Variants in HK2 observed in about 807,000 individuals in gnomAD.
The protein encoded by HK2 is hexokinase-2.
A neutral mutation model predicts 92.9 loss-of-function variants in HK2; 42 were observed. The observed-to-expected ratio is 0.45, with a 90% confidence interval of 0.35 to 0.58. The LOEUF is 0.58. HK2 is among the 20% of genes least tolerant of loss of function. The pLI, the probability that HK2 is intolerant of heterozygous loss-of-function variation, is 0.00. For synonymous variants in HK2, 422 were observed against 468.0 expected, an observed-to-expected ratio of 0.90 and a Z score of 1.27; for missense variants, 978 against 1,245.1, an observed-to-expected ratio of 0.79 and a Z score of 3.23.
At position 74,854,281 on chromosome 2, in the gene HK2, C is replaced by A; in HGVS notation, c.64-12C>A. 1 of 1,611,982 alleles carries A rather than the reference C, an allele frequency of 6.2e-7. No homozygotes were observed. Among genetic ancestry groups the A allele is most frequent in the Non-Finnish European group, 8.5e-7 (1 of 1,179,806 alleles). Reference sequence around the variant, plus strand: ...ACCAGTGGTTTCTGCTCTTGTCTTCCTCCTTTTTCAGGTTGACCAGTATCT... The same window carrying A: ...ACCAGTGGTTTCTGCTCTTGTCTTCATCCTTTTTCAGGTTGACCAGTATCT... On this transcript the variant is annotated splice_polypyrimidine_tract_variant and intron_variant, in intron 1 of 17. Coordinates refer to ENST00000290573, the MANE Select transcript of HK2 (RefSeq NM_000189.5).
chr2:74,835,377 C>T lies in HK2; in HGVS notation c.63+734C>T, dbSNP rs78032834. The T allele has an allele frequency of 4.3e-3, 658 of 152,736 alleles. 4 individuals are homozygous for T. The highest frequency in any genetic ancestry group is 6.1e-3 in the Non-Finnish European group (420 of 68,308). 9.5% of individuals were successfully genotyped at this position (152,736 alleles called of 1,614,324 possible). A position where few individuals can be genotyped will look rare whatever the true frequency, so the allele number is the denominator to read the frequency against. On this transcript the variant is annotated intron_variant, in intron 1 of 17. Transcript: ENST00000290573. ...TTTGGTTGTTACTTTCTGGTTTGCC[C>T]TAAAAGTTACTCGGAGAGGCCAACG...
intron 2 of HK2, among the ~76,000 whole-genome samples, chr2:74,866,362 A>G (rs1558796778): frequency 2.0e-5 from 3 of 152,176 alleles, no homozygotes; most frequent in African/African-American, 7.2e-5. Context: ...TGAACCCCCC[A>G]GGAAATTGCC....
intron 2 of HK2, among the ~76,000 whole-genome samples, chr2:74,855,987 G>A (rs74803187): frequency 0.014 from 2,102 of 152,258 alleles, 41 homozygotes; most frequent in African/African-American, 0.047. Context: ...GACGGGTGGT[G>A]GGTGGGGGGT....
At chr2:74,848,137 C>T (rs1003011242) in intron 1 of HK2, among the ~76,000 whole-genome samples, 3 of 152,166 alleles carry the variant, frequency 2.0e-5, no homozygotes, top group African/African-American at 7.2e-5. Flanking sequence ...GGTGGCTGAG[C>T]TCCAAAAGTA....
At position 74,890,804 on chromosome 2, in the gene HK2, A is replaced by T; in HGVS notation, c.2617A>T (p.Lys873Ter). The T allele has an allele frequency of 1.9e-6, 3 of 1,614,174 alleles. No individual in the cohort carries two copies. Among genetic ancestry groups the T allele is most frequent in the Non-Finnish European group, 2.5e-6 (3 of 1,180,022 alleles). Residue 873 changes from lysine to a stop codon, truncating the protein, a stop_gained, in exon 18 of 18, where the codon AAA becomes TAA. Transcript: ENST00000290573. LOFTEE classifies it high-confidence loss of function. ...TCCTCCCACCTTTTCCAGCTTTGCCAAAGTCATGCATGAGACAGTGAAGGA... is the reference window on the plus strand; with the variant it reads ...TCCTCCCACCTTTTCCAGCTTTGCCTAAGTCATGCATGAGACAGTGAAGGA... ...TLYKLHPHFA[K>*]VMHETVKDLA...
At chr2:74,885,445 C>G (rs762251217) in intron 12 of HK2, 49 bp from the exon 13 acceptor site, 1 of 1,357,158 alleles carries the variant, frequency 7.4e-7, no homozygotes, top group Admixed American at 1.7e-5. Flanking sequence ...CAGAACTGAC[C>G]TGGGAGCTCT....
chr2:74,857,817 C>T (rs1688728766), intron 2 of HK2, among the ~76,000 whole-genome samples: 1 of 152,116 alleles, frequency 6.6e-6, no homozygotes, highest in African/African-American at 2.4e-5. Context: ...TGTCAGCACC[C>T]CAGTGAAGTG....
chr2:74,877,695 A>G (rs28363021), intron 8 of HK2, among the ~76,000 whole-genome samples: 2,296 of 152,298 alleles, frequency 0.015, 20 homozygotes, highest in Middle Eastern at 0.034. Context: ...GCAATTCTCA[A>G]AAAGGACTCT....
chr2:74,859,671 C>T (rs1688774622), intron 2 of HK2, among the ~76,000 whole-genome samples: 1 of 152,160 alleles, frequency 6.6e-6, no homozygotes, highest in African/African-American at 2.4e-5. Flanking sequence ...TTGACAAATA[C>T]ACCTGTTTAA....
rs2103808719 is a variant in HK2, at chr2:74,834,656, G to T, written c.63+13G>T. The T allele has an allele frequency of 6.2e-7, 1 of 1,613,860 alleles. No individual in the cohort carries two copies. The highest frequency in any genetic ancestry group is 1.1e-5 in the South Asian group (1 of 91,074). On this transcript the variant is annotated intron_variant, in intron 1 of 17. Coordinates refer to ENST00000290573, the MANE Select transcript of HK2 (RefSeq NM_000189.5). This position sits in a 1 kb window ranked among gnomAD's most constrained non-coding sequence, Gnocchi z 4.2. The stretch of plus-strand genomic sequence containing the variant: ...CCAAGTGCAGAAGGTAAGTCAGCGC[G>T]GGCGGGGCGGCAGGCTGGGCTCTGG...
At chr2:74,890,021 C>T (rs192422402) in intron 17 of HK2, among the ~76,000 whole-genome samples, 2 of 152,336 alleles carry the variant, frequency 1.3e-5, no homozygotes, top group African/African-American at 4.8e-5. Context: ...AACAGTGCTA[C>T]TGTGAACATT....
intron 11 of HK2, 27 bp downstream of exon 11, chr2:74,881,886 G>T: frequency 6.2e-7 from 1 of 1,612,468 alleles, no homozygotes; most frequent in Non-Finnish European, 8.5e-7. Flanking sequence ...CTTCAGGAGG[G>T]GGCCCCTGGT....
chr2:74,851,932 A>G (rs1017572419), intron 1 of HK2, among the ~76,000 whole-genome samples: 5 of 152,246 alleles, frequency 3.3e-5, no homozygotes, highest in Non-Finnish European at 7.3e-5. Context: ...TGACCTGTAT[A>G]GACCCTGCTG....
Position 74,880,294 on chromosome 2 carries a change from G to A in HK2, c.1295G>A (p.Arg432Gln), listed in dbSNP as rs773701506. Residue 432 changes from arginine to glutamine, a missense_variant, in exon 10 of 18, where the codon CGG becomes CAG. This residue lies in a region of HK2 where 742 missense variants were observed against 922.5 expected (regional missense o/e 0.80). Coordinates refer to ENST00000290573, the MANE Select transcript of HK2 (RefSeq NM_000189.5). ...GCCAAGCGTCTACATAAGACCGTGC[G>A]GCGGCTGGTGCCCGGCTGCGATGTC... is the stretch of plus-strand genomic sequence containing the variant. The part of the protein sequence containing the change: ...HFAKRLHKTV[R>Q]RLVPGCDVRF... 9.3e-6 allele frequency: 15 copies of A among 1,614,146 alleles called. No individual in the cohort carries two copies. Among genetic ancestry groups the A allele is most frequent in the Non-Finnish European group, 1.0e-5 (12 of 1,180,040 alleles).
chr2:74,889,223 T>A (rs1689611229), intron 16 of HK2, 22 bp from the exon 17 acceptor site: 1 of 1,592,670 alleles, frequency 6.3e-7, no homozygotes, highest in Non-Finnish European at 8.6e-7. Flanking sequence ...ACTGAACACT[T>A]GCTGTCTCCC....
In HK2 at chr2:74,878,518, C is replaced by T. The variant is rs566170791; in HGVS notation, c.1032-170C>T. Among the ~76,000 whole-genome samples the T allele has an allele frequency of 1.1e-4, 17 of 152,146 alleles. 1 individual carries two copies. Among genetic ancestry groups the T allele is most frequent in the Admixed American group, 6.5e-4 (10 of 15,294 alleles). On this transcript the variant is annotated intron_variant, in intron 8 of 17. Transcript: ENST00000290573. Reference sequence around the variant, plus strand: ...GTGGCTGTGCTATATTTTGCACCCCCTTCCTCCTCCTCCTGCCCCTGCACA... The same window carrying T: ...GTGGCTGTGCTATATTTTGCACCCCTTTCCTCCTCCTCCTGCCCCTGCACA...
chr2:74,860,573 GTGTC>G (rs1688802746), intron 2 of HK2, among the ~76,000 whole-genome samples: 1 of 152,132 alleles, frequency 6.6e-6, no homozygotes, highest in African/African-American at 2.4e-5. Context: ...TATCTGTGTT[GTGTC>G]TATCAGTGTC....
At position 74,880,290 on chromosome 2, in the gene HK2, G is replaced by A. The variant is rs762150417; in HGVS notation, c.1291G>A (p.Val431Met). Residue 431 changes from valine to methionine, a missense_variant, in exon 10 of 18, where the codon GTG (valine) becomes ATG (methionine). By Grantham distance (21) the Val-to-Met change is conservative (BLOSUM62 1). Around this residue, in one of 3 missense-constraint regions of HK2, gnomAD observed 742 missense variants for 922.5 expected, o/e 0.80. Transcript: ENST00000290573. Reference sequence around the variant, plus strand: ...TTTTGCCAAGCGTCTACATAAGACCGTGCGGCGGCTGGTGCCCGGCTGCGA... The same window carrying A: ...TTTTGCCAAGCGTCTACATAAGACCATGCGGCGGCTGGTGCCCGGCTGCGA... ...PHFAKRLHKT[V>M]RRLVPGCDVR... The A allele has an allele frequency of 3.6e-5, 58 of 1,614,058 alleles. No homozygotes were observed. The highest frequency in any genetic ancestry group is 2.0e-4 in the East Asian group (9 of 44,892).
At position 74,834,614 on chromosome 2, in the gene HK2, A is replaced by G. The variant is rs1558783798; in HGVS notation, c.34A>G (p.Thr12Ala). The G allele has an allele frequency of 6.2e-7, 1 of 1,613,696 alleles. No individual in the cohort carries two copies. Among genetic ancestry groups the G allele is most frequent in the Non-Finnish European group, 8.5e-7 (1 of 1,179,800 alleles). ...IASHLLAYFFTELNHDQVQKV... is the reference protein window; with the variant it reads ...IASHLLAYFFAELNHDQVQKV... ...CTCGCATCTGCTTGCCTACTTCTTCACGGAGCTCAACCATGACCAAGTGCA... is the reference window on the plus strand; with the variant it reads ...CTCGCATCTGCTTGCCTACTTCTTCGCGGAGCTCAACCATGACCAAGTGCA... The change falls in exon 1 of 18, where the codon ACG (threonine) becomes GCG (alanine). Residue 12 changes from threonine (T) to alanine (A), a missense_variant. Around this residue, in one of 3 missense-constraint regions of HK2, gnomAD observed 47 missense variants for 33.1 expected, o/e 1.42. Transcript: ENST00000290573. The surrounding 1 kb of genome is among the most constrained non-coding windows in gnomAD (Gnocchi z 4.2).
Sources: gnomAD v4.1 joint callset for allele counts (sites outside exome capture counted in the v4.1 genomes callset) on GRCh38, gnomAD v4.1.1 for gene constraint, gnomAD v4.1.1 regional missense constraint, Gnocchi (gnomAD v3.1) non-coding constraint, MANE v1.5 for transcripts, NCBI Gene and HGNC (gene_info 2026-07-23, HGNC 2026-07-21) for gene names.